PIGG: variants seen among roughly 807,000 people sequenced by gnomAD.
PIGG encodes GPI ethanolamine phosphate transferase 2, catalytic subunit.
A neutral mutation model predicts 83.2 loss-of-function variants in PIGG; 70 were observed. The observed-to-expected ratio is 0.84, with a 90% CI of 0.69 to 1.03. The LOEUF (loss-of-function observed/expected upper bound fraction) is 1.03. Among genes scored for constraint, PIGG ranks in the 50% least tolerant of loss-of-function variants. PIGG has a pLI of 0.00. For synonymous variants in PIGG, 532 were observed against 519.5 expected, an observed-to-expected ratio of 1.02 and a Z score of -0.33; for missense variants, 1,257 against 1,233.6, an observed-to-expected ratio of 1.02 and a Z score of -0.28.
At chr4:518,770 AC>A (rs1359673706) in intron 6 of PIGG, among the ~76,000 whole-genome samples, 2 of 141,036 alleles carry the variant, frequency 1.4e-5, no homozygotes, top group African/African-American at 5.3e-5. Flanking sequence ...AGCGTCTGGA[AC>A]CCCCCCTGGC....
At chr4:535,425 A>AAACCGCGCG (rs1730278115) in intron 12 of PIGG, among the ~76,000 whole-genome samples, 5 of 106,324 alleles carry the variant, frequency 4.7e-5, no homozygotes, top group African/African-American at 2.2e-4. Flanking sequence ...GAAACCGCGC[A>AAACCGCGCG]CCGCGGCCCG....
intron 12 of PIGG, among the ~76,000 whole-genome samples, chr4:535,196 AG>A (rs1730178751): frequency 6.6e-6 from 1 of 152,168 alleles, no homozygotes; most frequent in South Asian, 2.1e-4. Context: ...CAGAGACCCC[AG>A]GGCCTGCAAA....
intron 7 of PIGG, 147 bp from the exon 8 acceptor site, chr4:521,513 G>T: frequency 1.3e-6 from 1 of 795,544 alleles, no homozygotes; most frequent in Non-Finnish European, 2.0e-6. Flanking sequence ...GCATTTTGGG[G>T]CAGTTAATTA....
At chr4:511,985 T>C (rs1392185791) in intron 5 of PIGG, among the ~76,000 whole-genome samples, 3 of 152,178 alleles carry the variant, frequency 2.0e-5, no homozygotes, top group African/African-American at 7.2e-5. Context: ...CCCATTTCTT[T>C]GTCTTTTACC....
chr4:533,313 A>C, intron 11 of PIGG: 1 of 161,798 alleles, frequency 6.2e-6, no homozygotes, highest in East Asian at 1.7e-4. Context: ...CCTCCACCAT[A>C]TAACCCACTG....
chr4:509,818 G>A (rs376019255), intron 5 of PIGG, among the ~76,000 whole-genome samples: 3 of 152,134 alleles, frequency 2.0e-5, no homozygotes, highest in South Asian at 4.1e-4. Context: ...TGTAAATGCC[G>A]TGGATAGGCC....
At position 528,922 on chromosome 4, in the gene PIGG, C is replaced by T. The variant is rs1004817538; in HGVS notation, c.2262-1514C>T. 1.8e-4 allele frequency among the ~76,000 whole-genome samples: 28 copies of T among 152,132 alleles called. No individual in the cohort carries two copies. Among genetic ancestry groups the T allele is most frequent in the Non-Finnish European group, 7.3e-5 (5 of 68,032 alleles). On this transcript the variant is annotated intron_variant, in intron 10 of 12. Coordinates refer to ENST00000453061, the MANE Select transcript of PIGG (RefSeq NM_001127178.3). The surrounding 1 kb of genome is among the most constrained non-coding windows in gnomAD (Gnocchi z 4.8). Reference sequence around the variant, plus strand: ...CCATCTGTCCCGATCGTAAATAGGTCCTGGCTACAGAGGCATCCTGGCTCT... The same window carrying T: ...CCATCTGTCCCGATCGTAAATAGGTTCTGGCTACAGAGGCATCCTGGCTCT...
rs990368248 is a variant in PIGG at position 510,765 on chromosome 4, A to G, written c.901+1795A>G. Among the ~76,000 whole-genome samples, 3 of 152,212 alleles carry G rather than the reference A, an allele frequency of 2.0e-5. No individual in the cohort carries two copies. The South Asian group carries it at 6.2e-4, about 32-fold the overall frequency. On this transcript the variant is annotated intron_variant, in intron 5 of 12. Transcript: ENST00000453061. ...GCATTGGGCCACCATCATCACAGTC[A>G]ATTTTACATCATTTTCCTCACCTCA... is the stretch of plus-strand genomic sequence containing the variant.
chr4:530,598 C>G lies in PIGG; in HGVS notation c.2424C>G (p.Leu808=). The change falls in exon 11 of 13, where the codon CTC becomes CTG. Residue 808 remains leucine, a synonymous_variant. Coordinates refer to ENST00000453061, the MANE Select transcript of PIGG (RefSeq NM_001127178.3). ...YSGLVLLAAL[L]FRPHNLPVLA... is the part of the protein sequence containing the mutation. ...GATTAGTTCTTCTGGCAGCCTTGCT[C>G]TTTAGACCACATAATCTTCCGGTCT... The G allele has an allele frequency of 1.2e-6, 2 of 1,614,004 alleles. No individual in the cohort carries two copies. The highest frequency in any genetic ancestry group is 1.3e-5 in the African/African-American group (1 of 75,016).
At chr4:525,278 T>A in intron 9 of PIGG, 1 of 984,680 alleles carries the variant, frequency 1.0e-6, no homozygotes, top group Non-Finnish European at 1.2e-6. Context: ...TCGAAATAAG[T>A]AGAAGAAACC....
At position 528,271 on chromosome 4, in the gene PIGG, A is replaced by T; in HGVS notation, c.2261+1041A>T. On this transcript the variant is annotated intron_variant, in intron 10 of 12. Coordinates refer to ENST00000453061, the MANE Select transcript of PIGG (RefSeq NM_001127178.3). The surrounding 1 kb of genome is among the most constrained non-coding windows in gnomAD (Gnocchi z 4.8). ...ATATGAAAGACTACATACTTAAAAT[A>T]CTGGTGATTATATTTAGGACCTGAA... is the stretch of plus-strand genomic sequence containing the variant. The T allele has an allele frequency of 1.0e-6, 1 of 983,328 alleles. No homozygotes were observed. The highest frequency in any genetic ancestry group is 1.2e-6 in the Non-Finnish European group (1 of 828,076). The allele number at this position is 983,328 out of a possible 1,614,324, so 60.9% of individuals were successfully genotyped here.
Position 539,691 on chromosome 4 carries a change from C to A in PIGG, c.*322C>A. 1 of 231,566 alleles carries A rather than the reference C, an allele frequency of 4.3e-6. No individual in the cohort carries two copies. The highest frequency in any genetic ancestry group is 8.5e-6 in the Non-Finnish European group (1 of 118,226). 14.3% of individuals were successfully genotyped at this position (231,566 alleles called of 1,614,324 possible). A position where few individuals can be genotyped will look rare whatever the true frequency, so the allele number is the denominator to read the frequency against. On this transcript the variant is annotated 3_prime_UTR_variant, in exon 13 of 13. Transcript: ENST00000453061. The stretch of plus-strand genomic sequence containing the variant: ...AGTCCAGGAGCTCTGTGGGAGGAGG[C>A]ACCCAGATTACCTTAGGGAGCACAG...
chr4:508,544 G>C (rs1051672451), intron 4 of PIGG, among the ~76,000 whole-genome samples: 3 of 152,224 alleles, frequency 2.0e-5, no homozygotes, highest in African/African-American at 7.2e-5. Flanking sequence ...CTCACAGCTT[G>C]GCAGTGGCAA....
chr4:512,110 A>G (rs1483888351), intron 5 of PIGG, among the ~76,000 whole-genome samples: 1 of 151,736 alleles, frequency 6.6e-6, no homozygotes, highest in African/African-American at 2.4e-5. Context: ...AGTTGTTTAA[A>G]TTGCATAATC....
In PIGG at chr4:512,587, C is replaced by T. The variant is rs570895834; in HGVS notation, c.902-3386C>T. On this transcript the variant is annotated intron_variant, in intron 5 of 12. Coordinates refer to ENST00000453061, the MANE Select transcript of PIGG (RefSeq NM_001127178.3). ...ATCCCAGCACTTTGGGAGGCCAAGG[C>T]GGGTGGATCACAAGGGCAGAAGTTC... Among the ~76,000 whole-genome samples the T allele has an allele frequency of 2.7e-3, 416 of 151,930 alleles. 1 individual carries two copies. The highest frequency in any genetic ancestry group is 8.7e-3 in the African/African-American group (360 of 41,462).
Position 500,396 on chromosome 4 carries a change from G to C in PIGG, c.155G>C (p.Gly52Ala). 1.2e-6 allele frequency: 2 copies of C among 1,611,410 alleles called. No individual in the cohort carries two copies. Among genetic ancestry groups the C allele is most frequent in the Non-Finnish European group, 1.7e-6 (2 of 1,177,834 alleles). The change falls in exon 2 of 13, where the codon GGA becomes GCA. Residue 52 changes from glycine (G) to alanine (A), a missense_variant and splice_region_variant. Physicochemically the swap from Gly to Ala is moderately conservative, Grantham distance 60 (BLOSUM62 0). Transcript: ENST00000453061. Reference protein sequence around the residue: ...AEPPAPEPSAGASSNWTTLPP... With the variant: ...AEPPAPEPSAAASSNWTTLPP... ...CCTTTTTTTTCTTTCAAACACTTAG[G>C]AGCCAGTTCTAACTGGACCACGCTG... is the stretch of plus-strand genomic sequence containing the variant.
Position 507,597 on chromosome 4 carries a change from A to G in PIGG, c.759+4A>G. On this transcript the variant is annotated splice_donor_region_variant and intron_variant, in intron 4 of 12. Transcript: ENST00000453061. ...CCACACCTCACTGCAGTCGAAGGTG[A>G]GGCTCGCCGTCGCTCACTGTCTGCT... is the stretch of plus-strand genomic sequence containing the variant. The G allele has an allele frequency of 6.2e-7, 1 of 1,607,262 alleles. No individual in the cohort carries two copies. Among genetic ancestry groups the G allele is most frequent in the Non-Finnish European group, 8.5e-7 (1 of 1,175,966 alleles).
chr4:522,881 A>T (rs1478563627), intron 8 of PIGG: 1 of 153,752 alleles, frequency 6.5e-6, no homozygotes, highest in Non-Finnish European at 1.4e-5. Flanking sequence ...TATATTTAAG[A>T]GACAGTACTG....
Position 523,607 on chromosome 4 carries a change from C to T in PIGG, c.1763C>T (p.Ala588Val). 6.2e-7 allele frequency: 1 copy of T among 1,614,186 alleles called. No homozygotes were observed. The highest frequency in any genetic ancestry group is 1.7e-5 in the Admixed American group (1 of 60,022). The change falls in exon 9 of 13, where the codon GCT (alanine) becomes GTT (valine). Residue 588 changes from alanine to valine, a missense_variant. Ala to Val is a moderately conservative substitution (Grantham distance 64, BLOSUM62 0). Coordinates refer to ENST00000453061, the MANE Select transcript of PIGG (RefSeq NM_001127178.3). Reference sequence around the variant, plus strand: ...TTCCTTGTGAACACCCTGTGTCTAGCTCTGAGCCAAGAAACCTACAGAAAC... The same window carrying T: ...TTCCTTGTGAACACCCTGTGTCTAGTTCTGAGCCAAGAAACCTACAGAAAC... Reference protein sequence around the residue: ...WYFLVNTLCLALSQETYRNYF... With the variant: ...WYFLVNTLCLVLSQETYRNYF...
Sources: allele counts gnomAD v4.1 joint callset (sites outside exome capture counted in the v4.1 genomes callset), GRCh38; gene constraint gnomAD v4.1.1; non-coding constraint Gnocchi (gnomAD v3.1); transcripts MANE v1.5; gene names NCBI Gene and HGNC (gene_info 2026-07-23, HGNC 2026-07-21).